GRIK2: variants seen among roughly 807,000 people sequenced by gnomAD.
GRIK2 encodes glutamate receptor ionotropic, kainate 2.
GRIK2 carries 32 observed loss-of-function variants against 100.3 expected under a neutral mutation model. The ratio of observed to expected loss-of-function variants is 0.32; its 90% CI spans 0.24 to 0.43. The LOEUF is 0.43. Ranked by LOEUF, GRIK2 falls within the 20% of genes least tolerant of loss-of-function variation. The pLI is 1.00. For synonymous variants in GRIK2, 417 were observed against 389.4 expected (o/e 1.07, Z -0.83); for missense variants, 843 against 1,114.9 (o/e 0.76, Z 3.47).
chr6:101,654,904 T>G (rs2128330381), intron 4 of GRIK2, among the ~76,000 whole-genome samples: 1 of 152,268 alleles, frequency 6.6e-6, no homozygotes, highest in South Asian at 2.1e-4. Context: ...TGTTAACAAC[T>G]TAGTGTCTTT....
chr6:101,852,609 G>A (rs551681002), intron 10 of GRIK2, among the ~76,000 whole-genome samples: 4 of 152,230 alleles, frequency 2.6e-5, no homozygotes, highest in East Asian at 3.9e-4. Context: ...CGAGTAAATC[G>A]CTCAAGTCTA....
intron 14 of GRIK2, among the ~76,000 whole-genome samples, chr6:101,988,155 G>GCA (rs1491176022): frequency 6.8e-4 from 5 of 7,324 alleles, no homozygotes; most frequent in African/African-American, 2.1e-3. Context: ...GCGCGCGCGC[G>GCA]TGCGCGCACA....
In GRIK2 at chr6:101,770,461, G is replaced by A. The variant is rs187741202; in HGVS notation, c.952-29187G>A. Among the ~76,000 whole-genome samples the A allele has an allele frequency of 4.0e-5, 6 of 151,870 alleles. No individual in the cohort carries two copies. The East Asian group carries it at 5.8e-4, about 15-fold the overall frequency. ...TGAATTAATTTCCTAAATGGCATACGATTCAGTGCAAAAAAATTGTTGTTG... is the reference window on the plus strand; with the variant it reads ...TGAATTAATTTCCTAAATGGCATACAATTCAGTGCAAAAAAATTGTTGTTG... On this transcript the variant is annotated intron_variant, in intron 7 of 16. Coordinates refer to ENST00000369134, the MANE Select transcript of GRIK2 (RefSeq NM_021956.5).
intron 7 of GRIK2, among the ~76,000 whole-genome samples, chr6:101,702,644 A>G (rs796399983): frequency 1.8e-4 from 27 of 152,066 alleles, no homozygotes; most frequent in African/African-American, 6.5e-4. Flanking sequence ...TTCACCTTCT[A>G]TGTGGTACAT....
chr6:101,957,205 G>T (rs1247453594), intron 14 of GRIK2, among the ~76,000 whole-genome samples: 6 of 151,832 alleles, frequency 4.0e-5, no homozygotes, highest in African/African-American at 1.4e-4. Context: ...GTGTACGATG[G>T]TATTTCACTG....
intron 7 of GRIK2, among the ~76,000 whole-genome samples, chr6:101,792,746 T>C (rs978496344): frequency 5.9e-5 from 9 of 152,146 alleles, no homozygotes; most frequent in South Asian, 2.1e-4. Context: ...TGAATCTGAA[T>C]GTTGGCCTGC....
rs1212772269 is a variant in GRIK2 at position 101,595,850 on chromosome 6, C to T, written c.116-26099C>T. 6.0e-5 allele frequency among the ~76,000 whole-genome samples: 9 copies of T among 150,978 alleles called. No homozygotes were observed. The East Asian group carries it at 1.2e-3, about 20-fold the overall frequency. On this transcript the variant is annotated intron_variant, in intron 2 of 16. Transcript: ENST00000369134. ...TTTATGGGCCTTATATTTTCTTGGT[C>T]ACCTATGGTTCTGACTTTCTTCTAT...
chr6:101,586,153 A>G lies in GRIK2; in HGVS notation c.116-35796A>G, dbSNP rs186971868. Among the ~76,000 whole-genome samples, 442 of 152,132 alleles carry G rather than the reference A, an allele frequency of 2.9e-3. 1 individual carries two copies. The highest frequency in any genetic ancestry group is 0.01 in the African/African-American group (422 of 41,522). ...TATTCTCACCCAGGAATAAGAAGCA[A>G]TAGGTCAGTGTAGGGCATAAATTTG... On this transcript the variant is annotated intron_variant, in intron 2 of 16. Coordinates refer to ENST00000369134, the MANE Select transcript of GRIK2 (RefSeq NM_021956.5).
intron 10 of GRIK2, among the ~76,000 whole-genome samples, chr6:101,849,492 T>C (rs1207507756): frequency 6.6e-6 from 1 of 152,056 alleles, no homozygotes; most frequent in African/African-American, 2.4e-5. Context: ...AAAAGCATAA[T>C]TGTTCCACTA....
intron 7 of GRIK2, among the ~76,000 whole-genome samples, chr6:101,700,245 G>A (rs889925255): frequency 6.7e-6 from 1 of 149,090 alleles, no homozygotes; most frequent in Non-Finnish European, 1.5e-5. Flanking sequence ...AATAATAATT[G>A]TTATTGTTAT....
chr6:102,008,642 T>TCA (rs538780463), intron 14 of GRIK2, among the ~76,000 whole-genome samples: 21 of 152,100 alleles, frequency 1.4e-4, no homozygotes, highest in Non-Finnish European at 3.1e-4. Flanking sequence ...ATTTAAGGCT[T>TCA]CACTTTTGTC....
chr6:101,574,546 CA>C (rs71654810), intron 2 of GRIK2, among the ~76,000 whole-genome samples: 13,605 of 150,718 alleles, frequency 0.09, 1,585 homozygotes, highest in African/African-American at 0.27. Context: ...TATACCATGG[CA>C]AAAAAATTGA....
Position 101,799,800 on chromosome 6 carries a change from G to T in GRIK2, c.1095+9G>T, listed in dbSNP as rs1201530031. The T allele has an allele frequency of 6.2e-6, 10 of 1,607,946 alleles. No individual in the cohort carries two copies. The African/African-American group carries it at 8.0e-5, about 13-fold the overall frequency. On this transcript the variant is annotated intron_variant, in intron 8 of 16. Transcript: ENST00000369134. The stretch of plus-strand genomic sequence containing the variant: ...TGAGTCTAATTAAAGAGGTAAGTTA[G>T]GAGAAGAACATCTGCCTTGTCTCTT...
intron 15 of GRIK2, among the ~76,000 whole-genome samples, chr6:102,044,236 C>T (rs1367188273): frequency 1.3e-5 from 2 of 151,996 alleles, no homozygotes; most frequent in African/African-American, 4.8e-5. Flanking sequence ...ACCTAATAAT[C>T]TTTTCACATT....
intron 7 of GRIK2, among the ~76,000 whole-genome samples, chr6:101,755,647 G>A (rs1291625539): frequency 6.6e-6 from 1 of 152,102 alleles, no homozygotes. Flanking sequence ...TCAGATACAT[G>A]AGAAATCAGA....
rs943116085 is a variant in GRIK2, at chr6:101,628,242, G to A, written c.541+1605G>A. On this transcript the variant is annotated intron_variant, in intron 4 of 16. Transcript: ENST00000369134. ...AATTGACAGATAAGAACTCTTTCAA[G>A]GGAATAGGAAACTGGGAGCTACAGG... 2.0e-5 allele frequency among the ~76,000 whole-genome samples: 3 copies of A among 151,742 alleles called. No homozygotes were observed. The East Asian group carries it at 5.8e-4, about 29-fold the overall frequency.
chr6:102,012,682 G>A (rs1447511916), intron 14 of GRIK2, among the ~76,000 whole-genome samples: 2 of 152,094 alleles, frequency 1.3e-5, no homozygotes, highest in Non-Finnish European at 2.9e-5. Context: ...ACTATCATTT[G>A]TATATTAACT....
chr6:101,835,162 T>G (rs1782986239), intron 10 of GRIK2, among the ~76,000 whole-genome samples: 1 of 152,240 alleles, frequency 6.6e-6, no homozygotes. Context: ...AACATTAAAT[T>G]TTTTCAATTT....
chr6:101,619,689 C>G (rs1162822677), intron 2 of GRIK2, among the ~76,000 whole-genome samples: 1 of 151,968 alleles, frequency 6.6e-6, no homozygotes, highest in Non-Finnish European at 1.5e-5. Flanking sequence ...TTACAAGTAC[C>G]TTACAATTAG....
Sources: gnomAD v4.1 joint callset for allele counts (sites outside exome capture counted in the v4.1 genomes callset) on GRCh38, gnomAD v4.1.1 for gene constraint, MANE v1.5 for transcripts, NCBI Gene and HGNC (gene_info 2026-07-23, HGNC 2026-07-21) for gene names.